SCAI: variants seen among roughly 807,000 people sequenced by gnomAD.
SCAI encodes protein SCAI.
SCAI carries 24 observed loss-of-function variants against 92.2 expected under a neutral mutation model. That is an observed-to-expected ratio of 0.26 (90% CI 0.19 to 0.37). The LOEUF is 0.37. SCAI is among the 10% of genes least tolerant of loss of function. The pLI, the probability that SCAI is intolerant of heterozygous loss-of-function variation, is 1.00. For missense variants in SCAI, 450 were observed against 736.2 expected (o/e 0.61, Z 4.50); for synonymous variants, 261 against 258.6 (o/e 1.01, Z -0.09).
rs1260582991 is a variant in SCAI at position 125,108,560 on chromosome 9, CGCCCCGTCTG to C, written c.98+34063_98+34072del. Among the ~76,000 whole-genome samples the C allele has an allele frequency of 3.1e-3, 434 of 142,024 alleles. 13 individuals carry two copies. The highest frequency in any genetic ancestry group is 9.9e-3 in the African/African-American group (377 of 38,000). The allele number at this position is 142,024 out of a possible 152,430, so 93.2% of individuals were successfully genotyped here. On this transcript the variant is annotated intron_variant, in intron 2 of 17. Transcript: ENST00000336505. ...GAGGTGAGGAGCGTCTCTGCCCAGC[CGCCCCGTCTG>C]AGAAGTGAGGAGCCCCTCCGCCCGG...
intron 17 of SCAI, chr9:124,968,571 G>A (rs555125941): frequency 5.4e-5 from 49 of 908,332 alleles, no homozygotes; most frequent in East Asian, 1.3e-4. Flanking sequence ...GTCCTCAAAC[G>A]TGTATGGCTT....
intron 2 of SCAI, among the ~76,000 whole-genome samples, chr9:125,100,800 T>C (rs886955904): frequency 5.3e-5 from 8 of 151,898 alleles, no homozygotes; most frequent in African/African-American, 1.7e-4. Context: ...AAAAATAACT[T>C]GAAGGAGGTG....
Position 125,142,642 on chromosome 9 carries a change from C to T in SCAI, c.89G>A (p.Arg30Gln), listed in dbSNP as rs778701838. The change falls in exon 2 of 18, where the codon CGG becomes CAG. Residue 30 changes from arginine to glutamine, a missense_variant. Physicochemically the swap from Arg to Gln is conservative, Grantham distance 43. Coordinates refer to ENST00000336505, the MANE Select transcript of SCAI (RefSeq NM_001144877.3). Reference sequence around the variant, plus strand: ...GAAGGCACTGCCTTACCTGCTTCTCCGTTTTCGAGGCGGTTTCTCCACTGT... The same window carrying T: ...GAAGGCACTGCCTTACCTGCTTCTCTGTTTTCGAGGCGGTTTCTCCACTGT... Reference protein sequence around the residue: ...TGTVEKPPRKRRSRTEFALKE... With the variant: ...TGTVEKPPRKQRSRTEFALKE... 2 of 1,613,730 alleles carry T rather than the reference C, an allele frequency of 1.2e-6. No individual in the cohort carries two copies. Among genetic ancestry groups the T allele is most frequent in the East Asian group, 2.2e-5 (1 of 44,886 alleles).
chr9:125,078,687 AG>A (rs1294806710), intron 2 of SCAI, among the ~76,000 whole-genome samples: 1 of 152,162 alleles, frequency 6.6e-6, no homozygotes, highest in African/African-American at 2.4e-5. Context: ...AGGCCAAGGC[AG>A]GAGAGTCACT....
chr9:125,037,898 G>A (rs550856650), intron 3 of SCAI, among the ~76,000 whole-genome samples: 12 of 151,870 alleles, frequency 7.9e-5, no homozygotes, highest in African/African-American at 1.7e-4. Context: ...CCTGGGCGAC[G>A]AGAGTGAAAC....
intron 9 of SCAI, among the ~76,000 whole-genome samples, chr9:125,015,956 C>G (rs1564379661): frequency 6.9e-6 from 1 of 144,322 alleles, no homozygotes; most frequent in Non-Finnish European, 1.5e-5. Context: ...CGCATCTTCT[C>G]ACTCATAGGT....
At chr9:125,043,615 C>A (rs964072569) in intron 3 of SCAI, among the ~76,000 whole-genome samples, 6 of 152,190 alleles carry the variant, frequency 3.9e-5, no homozygotes, top group Admixed American at 1.3e-4. Flanking sequence ...TGCATGGCAC[C>A]ACACTCAGCT....
chr9:124,962,895 T>C (rs1831468846), intron 17 of SCAI, among the ~76,000 whole-genome samples: 1 of 151,386 alleles, frequency 6.6e-6, no homozygotes, highest in South Asian at 2.1e-4. Context: ...ACCTCCCAGG[T>C]TCAAGTGATT....
intron 2 of SCAI, among the ~76,000 whole-genome samples, chr9:125,069,930 A>G (rs1469636729): frequency 1.3e-5 from 2 of 152,126 alleles, no homozygotes; most frequent in Admixed American, 6.6e-5. Flanking sequence ...CCATGAGCTC[A>G]TATTTTTAAA....
intron 2 of SCAI, among the ~76,000 whole-genome samples, chr9:125,099,276 A>G (rs1302407952): frequency 6.6e-6 from 1 of 152,046 alleles, no homozygotes; most frequent in Non-Finnish European, 1.5e-5. Flanking sequence ...TATGAAAGAA[A>G]TCACTTTTTA....
chr9:124,954,514 A>G (rs1831284105), intron 17 of SCAI, among the ~76,000 whole-genome samples: 1 of 152,252 alleles, frequency 6.6e-6, no homozygotes, highest in Non-Finnish European at 1.5e-5. Context: ...ACAGATAAGT[A>G]AACTAAGGCT....
intron 3 of SCAI, among the ~76,000 whole-genome samples, chr9:125,037,583 GCTGT>G (rs1833225932): frequency 6.6e-6 from 1 of 152,026 alleles, no homozygotes; most frequent in Non-Finnish European, 1.5e-5. Flanking sequence ...TGTTTCATTG[GCTGT>G]CTAAGACTAT....
intron 17 of SCAI, among the ~76,000 whole-genome samples, chr9:124,969,918 A>T (rs1831620714): frequency 6.6e-6 from 1 of 151,970 alleles, no homozygotes. Flanking sequence ...CAGCGGCATG[A>T]TCTCTGCTCA....
chr9:124,983,790 A>G (rs1223860604), intron 14 of SCAI, among the ~76,000 whole-genome samples: 1 of 152,256 alleles, frequency 6.6e-6, no homozygotes, highest in African/African-American at 2.4e-5. Flanking sequence ...AGTTAATAGC[A>G]CAGGTTTTAC....
intron 2 of SCAI, among the ~76,000 whole-genome samples, chr9:125,104,731 A>C (rs1834741473): frequency 6.6e-6 from 1 of 151,928 alleles, no homozygotes; most frequent in Admixed American, 6.6e-5. Flanking sequence ...GTGAAACTCC[A>C]TCTTTCTCAA....
intron 4 of SCAI, 46 bp from the exon 5 acceptor site, chr9:125,028,524 C>T: frequency 9.8e-7 from 1 of 1,020,056 alleles, no homozygotes; most frequent in Non-Finnish European, 1.4e-6. Flanking sequence ...TCTATAAATT[C>T]CAAAACTAAT....
intron 14 of SCAI, among the ~76,000 whole-genome samples, chr9:124,983,353 A>T (rs1468483755): frequency 1.3e-5 from 2 of 151,902 alleles, no homozygotes; most frequent in African/African-American, 2.4e-5. Context: ...GTATTTTTTT[A>T]TTTTTATTTT....
chr9:125,108,148 G>A (rs1834844392), intron 2 of SCAI, among the ~76,000 whole-genome samples: 1 of 152,282 alleles, frequency 6.6e-6, no homozygotes, highest in Admixed American at 6.5e-5. Flanking sequence ...ATGTTGCCCA[G>A]GCTGGAGTGC....
At chr9:124,979,448 G>A (rs1375805691) in intron 14 of SCAI, among the ~76,000 whole-genome samples, 2 of 151,846 alleles carry the variant, frequency 1.3e-5, no homozygotes, top group African/African-American at 4.8e-5. Context: ...GCTGAGGCAG[G>A]AGAATTGCTA....
Sources: allele counts gnomAD v4.1 joint callset (sites outside exome capture counted in the v4.1 genomes callset), GRCh38; gene constraint gnomAD v4.1.1; transcripts MANE v1.5; gene names NCBI Gene and HGNC (gene_info 2026-07-23, HGNC 2026-07-21).